The following BCAP29 variants were observed in gnomAD, a reference collection of about 807,000 sequenced individuals.
The protein encoded by BCAP29 is B-cell receptor-associated protein 29.
In BCAP29, 34 loss-of-function variants were observed where a neutral mutation model predicts 31.8. The ratio of observed to expected loss-of-function variants is 1.07; its 90% confidence interval spans 0.81 to 1.42. BCAP29 has a LOEUF of 1.42. Among genes scored for constraint, BCAP29 ranks in the 40% most tolerant of loss-of-function variants. The pLI, the probability that BCAP29 is intolerant of heterozygous loss-of-function variation, is 0.00. For missense variants in BCAP29, 314 were observed against 269.2 expected (o/e 1.17, Z -1.16); for synonymous variants, 104 against 91.3 (o/e 1.14, Z -0.79).
At chr7:107,606,866 A>C (rs1308692839) in intron 6 of BCAP29, among the ~76,000 whole-genome samples, 3 of 152,220 alleles carry the variant, frequency 2.0e-5, no homozygotes, top group Non-Finnish European at 4.4e-5. Context: ...TATAAAAGGG[A>C]GTATTTATCT....
chr7:107,607,837 A>G (rs558018818), intron 6 of BCAP29, among the ~76,000 whole-genome samples: 12 of 151,762 alleles, frequency 7.9e-5, no homozygotes, highest in African/African-American at 2.9e-4. Context: ...ATGGGGTTTC[A>G]CCATGTTGGC....
At chr7:107,582,407 A>G (rs1326963392) in intron 2 of BCAP29, among the ~76,000 whole-genome samples, 1 of 152,236 alleles carries the variant, frequency 6.6e-6, no homozygotes, top group Non-Finnish European at 1.5e-5. Context: ...CTATGTGTGT[A>G]TCCACATCTT....
intron 2 of BCAP29, 93 bp downstream of exon 2, chr7:107,580,957 T>C: frequency 2.3e-6 from 2 of 879,524 alleles, no homozygotes; most frequent in Non-Finnish European, 3.3e-6. Flanking sequence ...GTTTCGAAAG[T>C]CTTTGAAAAT....
chr7:107,620,153 A>C lies in BCAP29; in HGVS notation c.*1790A>C, dbSNP rs1814803355. On this transcript the variant is annotated 3_prime_UTR_variant, in exon 8 of 8. Transcript: ENST00000005259. The stretch of plus-strand genomic sequence containing the variant: ...GGACCTCAACCCTCTCAAGTTTACA[A>C]GTCTGAAACTTTAGACATCAAAAGT... 1 of 152,238 alleles carries C rather than the reference A, an allele frequency of 6.6e-6. No individual in the cohort carries two copies. The highest frequency in any genetic ancestry group is 1.5e-5 in the Non-Finnish European group (1 of 68,036). The allele number at this position is 152,238 out of a possible 1,614,324, so 9.4% of individuals were successfully genotyped here. A position where few individuals can be genotyped will look rare whatever the true frequency, so the allele number is the denominator to read the frequency against.
chr7:107,581,024 A>G (rs1806556093), intron 2 of BCAP29, among the ~76,000 whole-genome samples, 160 bp downstream of exon 2: 1 of 152,228 alleles, frequency 6.6e-6, no homozygotes, highest in African/African-American at 2.4e-5. Context: ...AACATTTTAT[A>G]TAAAACTCTG....
intron 7 of BCAP29, among the ~76,000 whole-genome samples, chr7:107,617,884 A>G (rs1160017709): frequency 6.6e-6 from 1 of 152,198 alleles, no homozygotes. Flanking sequence ...TCAGTTTTAA[A>G]TGATGTAATA....
Position 107,583,952 on chromosome 7 carries a change from A to G in BCAP29, c.163A>G (p.Ile55Val), listed in dbSNP as rs554978199. ...ATFWNKAFLT[I>V]IILLIVLFLD... Reference sequence around the variant, plus strand: ...TTTTTGGAACAAGGCTTTCCTTACCATTATCATCCTATTGATTGTTCTATT... The same window carrying G: ...TTTTTGGAACAAGGCTTTCCTTACCGTTATCATCCTATTGATTGTTCTATT... The change falls in exon 3 of 8, where the codon ATT becomes GTT. Residue 55 changes from isoleucine (I) to valine (V), a missense_variant. Ile to Val is a conservative substitution (Grantham distance 29). Transcript: ENST00000005259. 3 of 1,581,246 alleles carry G rather than the reference A, an allele frequency of 1.9e-6. No homozygotes were observed. In the African/African-American group the frequency reaches 4.1e-5, roughly 21 times the overall value.
intron 3 of BCAP29, among the ~76,000 whole-genome samples, chr7:107,589,367 A>T (rs561986250): frequency 1.3e-5 from 2 of 152,302 alleles, no homozygotes; most frequent in South Asian, 4.1e-4. Flanking sequence ...CTTGTTTCCT[A>T]CAACTGGACA....
chr7:107,600,267 A>T, intron 5 of BCAP29, 130 bp from the exon 6 acceptor site: 1 of 692,694 alleles, frequency 1.4e-6, no homozygotes, highest in Non-Finnish European at 2.6e-6. Context: ...GAAAACTATA[A>T]AATTCTGAAA....
At chr7:107,612,993 A>G (rs139121813) in intron 6 of BCAP29, among the ~76,000 whole-genome samples, 61 of 152,344 alleles carry the variant, frequency 4.0e-4, no homozygotes, top group Non-Finnish European at 8.2e-4. Flanking sequence ...AAAAACTGGC[A>G]TATGGATGAT....
chr7:107,595,715 G>T (rs1338273518), intron 4 of BCAP29, 152 bp from the exon 5 acceptor site: 5 of 720,044 alleles, frequency 6.9e-6, no homozygotes, highest in East Asian at 3.4e-5. Flanking sequence ...TTTACTAAGA[G>T]ACTTGAATTA....
intron 7 of BCAP29, among the ~76,000 whole-genome samples, chr7:107,614,684 A>G (rs1018118283): frequency 1.2e-4 from 19 of 152,140 alleles, no homozygotes; most frequent in African/African-American, 4.6e-4. Flanking sequence ...GTTGGTTTGC[A>G]TGTTTGGTTT....
chr7:107,599,725 A>G (rs1412813301), intron 5 of BCAP29, among the ~76,000 whole-genome samples: 2 of 152,120 alleles, frequency 1.3e-5, no homozygotes, highest in African/African-American at 4.8e-5. Context: ...TTTTTACTCC[A>G]TGATAATTTT....
At chr7:107,612,423 A>T (rs1159872947) in intron 6 of BCAP29, among the ~76,000 whole-genome samples, 9 of 39,704 alleles carry the variant, frequency 2.3e-4, no homozygotes, top group African/African-American at 5.5e-4. Context: ...ATATATATAT[A>T]TATATATATA....
chr7:107,593,935 T>C lies in BCAP29; in HGVS notation c.194-20T>C. On this transcript the variant is annotated intron_variant, in intron 3 of 7. Coordinates refer to ENST00000005259, the MANE Select transcript of BCAP29 (RefSeq NM_018844.4). ...TATTCGTAAAAGCCAAAAGTACTGT[T>C]TTCTTTTGTTCTGTAATAGATGCTG... 2 of 1,569,460 alleles carry C rather than the reference T, an allele frequency of 1.3e-6. No homozygotes were observed. Among genetic ancestry groups the C allele is most frequent in the Non-Finnish European group, 1.7e-6 (2 of 1,162,580 alleles).
chr7:107,590,853 G>GAA (rs1232227682), intron 3 of BCAP29, among the ~76,000 whole-genome samples: 1 of 150,392 alleles, frequency 6.6e-6, no homozygotes, highest in Non-Finnish European at 1.5e-5. Context: ...AAGAAAGAAA[G>GAA]AAATAATCCT....
chr7:107,608,095 C>T (rs1812442626), intron 6 of BCAP29, among the ~76,000 whole-genome samples: 1 of 152,002 alleles, frequency 6.6e-6, no homozygotes, highest in South Asian at 2.1e-4. Flanking sequence ...AGTTTCTGAA[C>T]TGTAAAGTTC....
intron 6 of BCAP29, among the ~76,000 whole-genome samples, chr7:107,611,502 T>C (rs1433572812): frequency 6.6e-6 from 1 of 152,210 alleles, no homozygotes. Context: ...GATTGTGGAA[T>C]CTACTGTGTA....
intron 3 of BCAP29, among the ~76,000 whole-genome samples, chr7:107,584,661 T>G (rs947369828): frequency 6.6e-6 from 1 of 152,142 alleles, no homozygotes; most frequent in Admixed American, 6.5e-5. Context: ...AGTGAACTAT[T>G]GCACTCCAGC....
Sources: gnomAD v4.1 joint callset for allele counts (sites outside exome capture counted in the v4.1 genomes callset) on GRCh38, gnomAD v4.1.1 for gene constraint, MANE v1.5 for transcripts, NCBI Gene and HGNC (gene_info 2026-07-23, HGNC 2026-07-21) for gene names.